The following LRGUK variants were observed in gnomAD, a reference collection of about 807,000 sequenced individuals.
LRGUK encodes the protein leucine-rich repeat and guanylate kinase domain-containing protein.
In LRGUK, 65 loss-of-function variants were observed where a neutral mutation model predicts 76.0. The observed-to-expected ratio is 0.85, with a 90% CI of 0.70 to 1.05. The LOEUF (loss-of-function observed/expected upper bound fraction) is 1.05. Among genes scored for constraint, LRGUK ranks in the 50% least tolerant of loss-of-function variants. The probability of loss-of-function intolerance (pLI) is 0.00; values close to 1 mark genes in which losing one functional copy is unlikely to be tolerated. For missense variants in LRGUK, 758 were observed against 732.8 expected (o/e 1.03, Z -0.40); for synonymous variants, 268 against 265.6 (o/e 1.01, Z -0.09).
chr7:134,220,800 G>T (rs1026860084), intron 15 of LRGUK, among the ~76,000 whole-genome samples: 5 of 151,846 alleles, frequency 3.3e-5, no homozygotes, highest in African/African-American at 1.2e-4. Context: ...AAACTCCTGG[G>T]CTCAAGTGTT....
intron 16 of LRGUK, 134 bp from the exon 17 acceptor site, chr7:134,247,421 GT>G (rs61072493): frequency 0.041 from 22,413 of 550,870 alleles, 1,742 homozygotes; most frequent in African/African-American, 0.22. Flanking sequence ...AATATCAATT[GT>G]TTTTTATGCC....
At chr7:134,239,261 C>T (rs1338287359) in intron 16 of LRGUK, among the ~76,000 whole-genome samples, 1 of 152,224 alleles carries the variant, frequency 6.6e-6, no homozygotes, top group Non-Finnish European at 1.5e-5. Context: ...CATCGCCTCA[C>T]CCGGGAAGCG....
At chr7:134,261,287 G>GTTGATT (rs1462319250) in intron 19 of LRGUK, among the ~76,000 whole-genome samples, 1 of 126,266 alleles carries the variant, frequency 7.9e-6, no homozygotes, top group Non-Finnish European at 1.7e-5. Flanking sequence ...TATATGTGAA[G>GTTGATT]TTGATTTTTT....
intron 16 of LRGUK, among the ~76,000 whole-genome samples, chr7:134,224,233 T>A (rs924093817): frequency 6.6e-6 from 1 of 152,220 alleles, no homozygotes; most frequent in Non-Finnish European, 1.5e-5. Context: ...CCATCTTTAA[T>A]CCTTGGTGAT....
At chr7:134,157,568 G>A (rs1798533018) in intron 5 of LRGUK, among the ~76,000 whole-genome samples, 1 of 152,212 alleles carries the variant, frequency 6.6e-6, no homozygotes, top group Non-Finnish European at 1.5e-5. Flanking sequence ...TGTCGCCCAG[G>A]CTGGAGTGCA....
At chr7:134,133,765 A>C (rs993307234) in intron 1 of LRGUK, among the ~76,000 whole-genome samples, 1 of 152,138 alleles carries the variant, frequency 6.6e-6, no homozygotes, top group Admixed American at 6.5e-5. Flanking sequence ...AGAGAAATTG[A>C]AATTGCGTAT....
At chr7:134,164,338 G>A (rs1478895326) in intron 7 of LRGUK, among the ~76,000 whole-genome samples, 1 of 152,156 alleles carries the variant, frequency 6.6e-6, no homozygotes, top group East Asian at 1.9e-4. Flanking sequence ...CAGGAAGGGA[G>A]TTCTTATATA....
intron 11 of LRGUK, among the ~76,000 whole-genome samples, chr7:134,187,045 A>C (rs1432914329): frequency 1.3e-5 from 2 of 152,186 alleles, no homozygotes; most frequent in South Asian, 2.1e-4. Flanking sequence ...GTGGCAAATT[A>C]TTCTAAGAAT....
chr7:134,266,054 G>A (rs1802849095), downstream of LRGUK, among the ~76,000 whole-genome samples: 1 of 152,108 alleles, frequency 6.6e-6, no homozygotes, highest in Non-Finnish European at 1.5e-5. Flanking sequence ...TCCCACCCTG[G>A]GTGTCAACAG....
At chr7:134,206,298 C>T (rs867336732) in intron 15 of LRGUK, among the ~76,000 whole-genome samples, 8 of 152,236 alleles carry the variant, frequency 5.3e-5, no homozygotes, top group Middle Eastern at 3.4e-3. Context: ...GGGCAGATCA[C>T]GAGGTCAGGA....
intron 2 of LRGUK, among the ~76,000 whole-genome samples, chr7:134,137,868 C>T (rs1180623105): frequency 6.6e-6 from 1 of 150,754 alleles, no homozygotes; most frequent in Non-Finnish European, 1.5e-5. Flanking sequence ...AAAAAAAACG[C>T]ACATTGAAAT....
chr7:134,243,342 C>A (rs1357791246), intron 16 of LRGUK, among the ~76,000 whole-genome samples: 1 of 152,182 alleles, frequency 6.6e-6, no homozygotes, highest in Non-Finnish European at 1.5e-5. Flanking sequence ...AGCTGATGAG[C>A]AGCTTCAGCA....
chr7:134,165,675 T>G (rs1163976503), intron 7 of LRGUK, among the ~76,000 whole-genome samples: 3 of 152,238 alleles, frequency 2.0e-5, no homozygotes, highest in Non-Finnish European at 4.4e-5. Context: ...TGTTTCATAC[T>G]AAGTTTCTGA....
chr7:134,165,388 C>G (rs1191155149), intron 7 of LRGUK, among the ~76,000 whole-genome samples: 1 of 152,158 alleles, frequency 6.6e-6, no homozygotes, highest in Non-Finnish European at 1.5e-5. Flanking sequence ...TTTCAATGTT[C>G]TTAACCTCTG....
At chr7:134,152,148 C>T (rs1452685027) in intron 5 of LRGUK, among the ~76,000 whole-genome samples, 1 of 151,924 alleles carries the variant, frequency 6.6e-6, no homozygotes, top group African/African-American at 2.4e-5. Flanking sequence ...TAAAAATTTG[C>T]TATAAAGTAC....
intron 11 of LRGUK, among the ~76,000 whole-genome samples, chr7:134,185,611 T>G (rs2117029941): frequency 1.3e-5 from 2 of 152,268 alleles, no homozygotes; most frequent in Middle Eastern, 6.8e-3. Context: ...GGTTTCCTCT[T>G]GTACTTTTTG....
At chr7:134,199,459 A>G (rs771344869) in intron 14 of LRGUK, 38 bp downstream of exon 14, 38 of 1,538,708 alleles carry the variant, frequency 2.5e-5, no homozygotes, top group African/African-American at 6.8e-5. Context: ...TTTGAAATGT[A>G]AGATTACTGA....
chr7:134,127,707 C>T (rs757690913), intron 1 of LRGUK, 43 bp downstream of exon 1: 2 of 1,567,258 alleles, frequency 1.3e-6, no homozygotes, highest in Non-Finnish European at 1.7e-6. Flanking sequence ...CTCCCTCGTC[C>T]AGCCCTGTTA....
At chr7:134,134,801 G>T (rs1459981019) in intron 1 of LRGUK, among the ~76,000 whole-genome samples, 1 of 152,186 alleles carries the variant, frequency 6.6e-6, no homozygotes, top group African/African-American at 2.4e-5. Flanking sequence ...AGCCTGATTG[G>T]CATAGGTGAG....
Sources: allele counts gnomAD v4.1 joint callset (sites outside exome capture counted in the v4.1 genomes callset), GRCh38; gene constraint gnomAD v4.1.1; transcripts MANE v1.5; gene names NCBI Gene and HGNC (gene_info 2026-07-23, HGNC 2026-07-21).